F13A1: variants seen among roughly 807,000 people sequenced by gnomAD.
F13A1 encodes the protein FSF, A subunit.
Under a neutral mutation model 80.1 loss-of-function variants are expected in F13A1, and 47 were observed. The ratio of observed to expected loss-of-function variants is 0.59; its 90% CI spans 0.46 to 0.75. The LOEUF is 0.75. Among genes scored for constraint, F13A1 ranks in the 30% least tolerant of loss-of-function variants. F13A1 has a pLI of 0.00. For synonymous variants in F13A1, 349 were observed against 344.9 expected (o/e 1.01, Z -0.13); for missense variants, 817 against 930.4 (o/e 0.88, Z 1.59).
intron 6 of F13A1, among the ~76,000 whole-genome samples, chr6:6,231,574 C>T (rs958558524): frequency 2.0e-5 from 3 of 152,188 alleles, no homozygotes; most frequent in African/African-American, 7.2e-5. Flanking sequence ...GAAGCACAAA[C>T]AACACCCAGG....
intron 13 of F13A1, among the ~76,000 whole-genome samples, chr6:6,165,863 C>T (rs921907580): frequency 3.3e-5 from 5 of 152,266 alleles, no homozygotes; most frequent in African/African-American, 1.2e-4. Context: ...TTTCAGGCGT[C>T]CTGTGCACAC....
At chr6:6,149,211 T>G (rs1221246838) in intron 14 of F13A1, among the ~76,000 whole-genome samples, 1 of 152,198 alleles carries the variant, frequency 6.6e-6, no homozygotes, top group Non-Finnish European at 1.5e-5. Context: ...AAGACAGGCT[T>G]TTGAATGTTC....
At chr6:6,283,618 C>A (rs1208301321) in intron 3 of F13A1, among the ~76,000 whole-genome samples, 1 of 151,966 alleles carries the variant, frequency 6.6e-6, no homozygotes, top group East Asian at 1.9e-4. Flanking sequence ...TTTTAAACAA[C>A]AACAATACAT....
chr6:6,206,965 G>A (rs1761500035), intron 8 of F13A1, among the ~76,000 whole-genome samples: 2 of 151,694 alleles, frequency 1.3e-5, no homozygotes, highest in Non-Finnish European at 1.5e-5. Context: ...GAGTGGCAGA[G>A]TAAGGACTAC....
chr6:6,175,810 G>A (rs1760873558), intron 11 of F13A1, among the ~76,000 whole-genome samples: 1 of 152,208 alleles, frequency 6.6e-6, no homozygotes, highest in Non-Finnish European at 1.5e-5. Flanking sequence ...TTTTGTGCAG[G>A]GTTTGCAAAG....
chr6:6,246,844 G>A (rs981090197), intron 6 of F13A1, among the ~76,000 whole-genome samples: 3 of 152,206 alleles, frequency 2.0e-5, no homozygotes, highest in African/African-American at 7.2e-5. Context: ...GAATGCTTAA[G>A]AAGGAATTAA....
Position 6,250,812 on chromosome 6 carries a change from T to C in F13A1, c.689A>G (p.Gln230Arg), listed in dbSNP as rs1757621047. Residue 230 changes from glutamine (Q) to arginine (R), a missense_variant and splice_region_variant, in exon 5 of 15, where the codon CAG becomes CGG. By Grantham distance (43) the Gln-to-Arg change is conservative. Transcript: ENST00000264870. This position sits in a 1 kb window ranked among gnomAD's most constrained non-coding sequence, Gnocchi z 4.2. ...AATAACAAATTTTAAGTGGCTCACC[T>C]GACCATAGCTCCAGCTTCTGGTCTT... ...DIKTRSWSYG[Q>R]FEDGILDTCL... 1.9e-6 allele frequency: 3 copies of C among 1,603,904 alleles called. No homozygotes were observed. The South Asian group carries it at 3.3e-5, about 18-fold the overall frequency.
chr6:6,151,725 A>G, intron 14 of F13A1, 88 bp downstream of exon 14: 11 of 1,560,160 alleles, frequency 7.1e-6, no homozygotes, highest in Non-Finnish European at 8.8e-6. Flanking sequence ...TTCACTGGGG[A>G]GCAGATCTAT....
intron 8 of F13A1, among the ~76,000 whole-genome samples, chr6:6,201,333 G>A (rs927734898): frequency 1.3e-5 from 2 of 152,164 alleles, no homozygotes; most frequent in African/African-American, 4.8e-5. Context: ...TGGCTGAGAC[G>A]TTATCTGTGT....
intron 3 of F13A1, among the ~76,000 whole-genome samples, chr6:6,283,727 T>C (rs1758097829): frequency 6.6e-6 from 1 of 152,220 alleles, no homozygotes; most frequent in African/African-American, 2.4e-5. Flanking sequence ...GAAACATTTT[T>C]GAACGAACTT....
intron 4 of F13A1, among the ~76,000 whole-genome samples, chr6:6,266,125 A>G (rs1350091327): frequency 1.3e-5 from 2 of 152,218 alleles, no homozygotes; most frequent in Admixed American, 6.5e-5. Flanking sequence ...TGAATTTTCT[A>G]TCTTTCTCTT....
intron 3 of F13A1, among the ~76,000 whole-genome samples, chr6:6,299,107 C>T (rs1261524496): frequency 7.0e-6 from 1 of 143,856 alleles, no homozygotes; most frequent in Non-Finnish European, 1.5e-5. Context: ...AGGGTTTCTG[C>T]CGAGAGATCC....
intron 12 of F13A1, among the ~76,000 whole-genome samples, chr6:6,170,336 C>G (rs1760750138): frequency 6.6e-6 from 1 of 152,164 alleles, no homozygotes; most frequent in Non-Finnish European, 1.5e-5. Context: ...CCTTTCTTCT[C>G]TGAGGTAGAA....
intron 14 of F13A1, among the ~76,000 whole-genome samples, chr6:6,147,913 C>T (rs543794533): frequency 5.3e-5 from 8 of 152,224 alleles, no homozygotes; most frequent in Middle Eastern, 3.4e-3. Flanking sequence ...TTGTGATAAA[C>T]GATTCTCAGT....
intron 6 of F13A1, among the ~76,000 whole-genome samples, chr6:6,247,816 A>G (rs1371532313): frequency 6.6e-6 from 1 of 152,232 alleles, no homozygotes; most frequent in Non-Finnish European, 1.5e-5. Flanking sequence ...CAAAGAATCA[A>G]TACCCACTTC....
At chr6:6,310,727 C>G (rs1758578352) in intron 2 of F13A1, among the ~76,000 whole-genome samples, 1 of 152,098 alleles carries the variant, frequency 6.6e-6, no homozygotes, top group African/African-American at 2.4e-5. Context: ...TATCCTAGGG[C>G]CTGGTACATG....
intron 11 of F13A1, among the ~76,000 whole-genome samples, chr6:6,179,436 G>C (rs1760940655): frequency 6.6e-6 from 1 of 152,084 alleles, no homozygotes; most frequent in Non-Finnish European, 1.5e-5. Context: ...TCCATATTTT[G>C]GTATCTACAC....
intron 10 of F13A1, among the ~76,000 whole-genome samples, chr6:6,183,822 A>G (rs1761030068): frequency 1.3e-5 from 2 of 152,198 alleles, no homozygotes; most frequent in Non-Finnish European, 1.5e-5. Context: ...GTTAATCTCT[A>G]TGAACTTCAG....
chr6:6,158,416 A>T (rs1760514430), intron 13 of F13A1, among the ~76,000 whole-genome samples: 2 of 152,174 alleles, frequency 1.3e-5, no homozygotes, highest in South Asian at 4.1e-4. Context: ...AGAGCATCTG[A>T]CACATACTAG....
Sources: allele counts gnomAD v4.1 joint callset (sites outside exome capture counted in the v4.1 genomes callset), GRCh38; gene constraint gnomAD v4.1.1; non-coding constraint Gnocchi (gnomAD v3.1); transcripts MANE v1.5; gene names NCBI Gene and HGNC (gene_info 2026-07-23, HGNC 2026-07-21).